STXBP4: variants seen among roughly 807,000 people sequenced by gnomAD.
STXBP4 encodes syntaxin binding protein 4.
Under a neutral mutation model 76.1 loss-of-function variants are expected in STXBP4, and 55 were observed. The observed-to-expected ratio is 0.72, with a 90% CI of 0.58 to 0.91. The LOEUF is 0.91. STXBP4 is among the 40% of genes least tolerant of loss of function. STXBP4 has a pLI of 0.00. For missense variants in STXBP4, 618 were observed against 636.9 expected (o/e 0.97, Z 0.32); for synonymous variants, 201 against 220.2 (o/e 0.91, Z 0.77).
At chr17:55,174,227 A>G (rs2080420273), downstream of STXBP4, among the ~76,000 whole-genome samples, 1 of 152,198 alleles carries the variant, frequency 6.6e-6, no homozygotes, top group African/African-American at 2.4e-5. Flanking sequence ...GTAGGGGAGA[A>G]TGTTATTCTG....
At chr17:55,186,352 C>G in the STXBP4 span, among the ~76,000 whole-genome samples, 1 of 152,064 alleles carries the variant, frequency 6.6e-6, no homozygotes, top group Non-Finnish European at 1.5e-5. Context: ...TTCAAGTTAA[C>G]AAATACGGAA....
chr17:55,096,976 C>A (rs1433932907), intron 16 of STXBP4, among the ~76,000 whole-genome samples: 1 of 151,906 alleles, frequency 6.6e-6, no homozygotes, highest in Non-Finnish European at 1.5e-5. Flanking sequence ...ACTGTGCTGA[C>A]CTCATAATAA....
chr17:55,108,213 G>T (rs2079659936), intron 16 of STXBP4, among the ~76,000 whole-genome samples: 1 of 152,154 alleles, frequency 6.6e-6, no homozygotes, highest in African/African-American at 2.4e-5. Context: ...CACTCTGAGG[G>T]GAAAACCACC....
At chr17:55,080,030 T>G (rs542101804) in intron 15 of STXBP4, among the ~76,000 whole-genome samples, 1 of 152,164 alleles carries the variant, frequency 6.6e-6, no homozygotes, top group Non-Finnish European at 1.5e-5. Context: ...TAATCAGTAA[T>G]CACATTTATT....
At chr17:55,077,686 CGT>C (rs10690646) in intron 13 of STXBP4, among the ~76,000 whole-genome samples, 9,993 of 133,890 alleles carry the variant, frequency 0.075, 356 homozygotes, top group African/African-American at 0.087. Flanking sequence ...TGTCTTACAT[CGT>C]GTGTGTGTGT....
intron 17 of STXBP4, among the ~76,000 whole-genome samples, chr17:55,146,579 T>C (rs1458749791): frequency 6.6e-6 from 1 of 152,108 alleles, no homozygotes; most frequent in East Asian, 1.9e-4. Flanking sequence ...TAGCCAGGCA[T>C]GGTGGCTGGT....
At chr17:55,188,627 A>G in the STXBP4 span, among the ~76,000 whole-genome samples, 1 of 152,102 alleles carries the variant, frequency 6.6e-6, no homozygotes, top group East Asian at 1.9e-4. Flanking sequence ...TCTTTGTCTC[A>G]CTCAAAAAGC....
intron 7 of STXBP4, among the ~76,000 whole-genome samples, chr17:55,004,122 G>A: frequency 6.6e-6 from 1 of 151,964 alleles, no homozygotes; most frequent in African/African-American, 2.4e-5. Flanking sequence ...GGCAGAGGTT[G>A]CAGTGAGCTG....
At chr17:55,050,988 G>C (rs1011490363) in intron 12 of STXBP4, among the ~76,000 whole-genome samples, 6 of 152,018 alleles carry the variant, frequency 3.9e-5, no homozygotes, top group African/African-American at 1.4e-4. Context: ...TCTTAGAGAG[G>C]TGTCACTCCT....
At chr17:55,138,237 G>C (rs1470924647) in intron 16 of STXBP4, among the ~76,000 whole-genome samples, 2 of 151,822 alleles carry the variant, frequency 1.3e-5, no homozygotes, top group Non-Finnish European at 2.9e-5. Context: ...GTTTATCACT[G>C]TATATTGAAC....
chr17:55,054,978 A>G (rs1389291826), intron 12 of STXBP4, among the ~76,000 whole-genome samples: 1 of 152,144 alleles, frequency 6.6e-6, no homozygotes, highest in Non-Finnish European at 1.5e-5. Context: ...TGGTCAAAAT[A>G]AACCTTTTCT....
At chr17:55,016,782 T>C (rs180849587) in intron 8 of STXBP4, among the ~76,000 whole-genome samples, 118 of 152,358 alleles carry the variant, frequency 7.7e-4, no homozygotes, top group Non-Finnish European at 1.4e-3. Flanking sequence ...TTAAATTACC[T>C]TTTTCTAACA....
At chr17:55,048,245 T>G (rs1209133989) in intron 12 of STXBP4, among the ~76,000 whole-genome samples, 4 of 151,820 alleles carry the variant, frequency 2.6e-5, no homozygotes, top group Non-Finnish European at 5.9e-5. Context: ...AAGGGAAAAT[T>G]AAGGAGCTTA....
At chr17:55,177,916 C>G (rs1265077444), downstream of STXBP4, among the ~76,000 whole-genome samples, 1 of 152,218 alleles carries the variant, frequency 6.6e-6, no homozygotes, top group Non-Finnish European at 1.5e-5. Context: ...CTGTTCCACT[C>G]CCTAAATTAT....
intron 1 of STXBP4, among the ~76,000 whole-genome samples, chr17:54,971,277 G>A (rs1567864738): frequency 6.6e-6 from 1 of 152,114 alleles, no homozygotes; most frequent in Non-Finnish European, 1.5e-5. Context: ...AGTCAGCTTG[G>A]ACTACCAATA....
chr17:55,193,894 A>G, the STXBP4 span, among the ~76,000 whole-genome samples: 5 of 151,824 alleles, frequency 3.3e-5, no homozygotes, highest in Non-Finnish European at 7.4e-5. Context: ...CACCAATCTC[A>G]GGAAGAAGAA....
chr17:55,113,217 CCACACACA>C (rs10611316), intron 16 of STXBP4, among the ~76,000 whole-genome samples: 5,895 of 141,360 alleles, frequency 0.042, 201 homozygotes, highest in East Asian at 0.2. Flanking sequence ...GGTGCTCTTA[CCACACACA>C]CACACACACA....
At chr17:55,055,773 C>T (rs1434189761) in intron 12 of STXBP4, among the ~76,000 whole-genome samples, 2 of 152,238 alleles carry the variant, frequency 1.3e-5, no homozygotes, top group African/African-American at 4.8e-5. Context: ...CATCTGGTCT[C>T]TTTGCACCAT....
At chr17:55,181,012 C>T in the STXBP4 span, among the ~76,000 whole-genome samples, 2 of 152,220 alleles carry the variant, frequency 1.3e-5, no homozygotes, top group Admixed American at 6.5e-5. Flanking sequence ...CTTCAATTCA[C>T]TAACATTTGG....
Sources: gnomAD v4.1 joint callset for allele counts (sites outside exome capture counted in the v4.1 genomes callset) on GRCh38, gnomAD v4.1.1 for gene constraint, MANE v1.5 for transcripts, NCBI Gene and HGNC (gene_info 2026-07-23, HGNC 2026-07-21) for gene names.